GRID2: variants seen among roughly 807,000 people sequenced by gnomAD.
GRID2 encodes glutamate ionotropic receptor delta type subunit 2, also known as glutamate receptor ionotropic, delta-2.
In GRID2, 33 loss-of-function variants were observed where a neutral mutation model predicts 114.8. The ratio of observed to expected loss-of-function variants is 0.29; its 90% CI spans 0.22 to 0.38. The LOEUF (loss-of-function observed/expected upper bound fraction) is 0.38, where lower values mean the gene tolerates loss of function less well. GRID2 is among the 10% of genes least tolerant of loss of function. The pLI is 1.00. For missense variants in GRID2, 1,184 were observed against 1,257.7 expected (o/e 0.94, Z 0.89); for synonymous variants, 505 against 449.9 (o/e 1.12, Z -1.55).
At chr4:93,171,945 C>A (rs1188607402) in intron 4 of GRID2, among the ~76,000 whole-genome samples, 2 of 152,042 alleles carry the variant, frequency 1.3e-5, no homozygotes, top group Admixed American at 6.6e-5. Flanking sequence ...AGCTCTAAAG[C>A]CAACTTGTTA....
chr4:93,116,224 G>A (rs6849575), intron 4 of GRID2, among the ~76,000 whole-genome samples: 7 of 151,936 alleles, frequency 4.6e-5, no homozygotes, highest in African/African-American at 2.4e-5. Context: ...GTAAAAGTTC[G>A]TTCACTATTT....
At chr4:92,701,099 A>G (rs1228268391) in intron 2 of GRID2, among the ~76,000 whole-genome samples, 2 of 152,146 alleles carry the variant, frequency 1.3e-5, no homozygotes, top group African/African-American at 4.8e-5. Context: ...CATTTACCAG[A>G]TTTAACCTTG....
Position 93,661,330 on chromosome 4 carries a change from C to A in GRID2, c.2360+34895C>A, listed in dbSNP as rs535666781. 2.6e-5 allele frequency among the ~76,000 whole-genome samples: 4 copies of A among 152,294 alleles called. No homozygotes were observed. The South Asian group carries it at 8.3e-4, about 32-fold the overall frequency. ...CTATCATCTTGTTTTAGCTCTCATG[C>A]AGTAAACAAGTATCCTTTTTTCAGT... On this transcript the variant is annotated intron_variant, in intron 14 of 15. Coordinates refer to ENST00000282020, the MANE Select transcript of GRID2 (RefSeq NM_001510.4).
At chr4:93,499,260 C>T (rs1367962795) in intron 12 of GRID2, among the ~76,000 whole-genome samples, 2 of 151,768 alleles carry the variant, frequency 1.3e-5, no homozygotes, top group Non-Finnish European at 2.9e-5. Flanking sequence ...GTTTCTTTTC[C>T]CTTACCTTAA....
chr4:93,474,187 G>A (rs143157994), intron 11 of GRID2, among the ~76,000 whole-genome samples: 11 of 152,084 alleles, frequency 7.2e-5, no homozygotes, highest in South Asian at 2.1e-4. Context: ...ATAGAGAAAC[G>A]ACAAATGCAT....
chr4:92,931,209 A>C (rs1750205431), intron 2 of GRID2, among the ~76,000 whole-genome samples: 1 of 151,050 alleles, frequency 6.6e-6, no homozygotes, highest in Non-Finnish European at 1.5e-5. Flanking sequence ...TTTGAAAATC[A>C]ACTCACTAAT....
chr4:92,786,842 C>T (rs1038501123), intron 2 of GRID2, among the ~76,000 whole-genome samples: 1 of 151,868 alleles, frequency 6.6e-6, no homozygotes. Context: ...ATCTTTCATA[C>T]CAAATTTAAC....
intron 2 of GRID2, among the ~76,000 whole-genome samples, chr4:92,719,927 C>T (rs1735733427): frequency 6.6e-6 from 1 of 151,986 alleles, no homozygotes. Context: ...GCTTCTTCTC[C>T]TAGTAAGATA....
chr4:92,698,511 G>A (rs777514722), intron 2 of GRID2, among the ~76,000 whole-genome samples: 11 of 151,652 alleles, frequency 7.3e-5, no homozygotes, highest in Non-Finnish European at 1.5e-4. Context: ...TAATATAGCT[G>A]GAGGGTCATA....
At chr4:92,535,385 A>G in intron 1 of GRID2, among the ~76,000 whole-genome samples, 1 of 152,182 alleles carries the variant, frequency 6.6e-6, no homozygotes, top group East Asian at 1.9e-4. Context: ...TGATTAATGC[A>G]ATCCTTAAAA....
chr4:93,704,451 G>A (rs987209580), intron 14 of GRID2, among the ~76,000 whole-genome samples: 1 of 152,124 alleles, frequency 6.6e-6, no homozygotes, highest in Non-Finnish European at 1.5e-5. Context: ...TAGGTTGCCT[G>A]TTCACTCTGA....
chr4:93,361,748 A>G (rs1239838689), intron 8 of GRID2, among the ~76,000 whole-genome samples: 2 of 152,128 alleles, frequency 1.3e-5, no homozygotes, highest in African/African-American at 2.4e-5. Flanking sequence ...TGAAAGACAG[A>G]CACTATGTAA....
intron 1 of GRID2, among the ~76,000 whole-genome samples, chr4:93,799,715 C>A (rs1265454631): frequency 6.6e-6 from 1 of 152,090 alleles, no homozygotes; most frequent in Non-Finnish European, 1.5e-5. Flanking sequence ...GATGTGATAT[C>A]TCAAGTATAT....
At chr4:93,531,072 A>G (rs912182359) in intron 13 of GRID2, among the ~76,000 whole-genome samples, 26 of 152,166 alleles carry the variant, frequency 1.7e-4, no homozygotes, top group Non-Finnish European at 2.9e-4. Flanking sequence ...TGATTAGGGA[A>G]GGATGCCATG....
At chr4:92,363,869 G>A (rs1260797971) in intron 1 of GRID2, among the ~76,000 whole-genome samples, 1 of 147,564 alleles carries the variant, frequency 6.8e-6, no homozygotes, top group African/African-American at 2.5e-5. Flanking sequence ...ACCCAGGCTG[G>A]AGTGCAGTGG....
intron 10 of GRID2, among the ~76,000 whole-genome samples, chr4:93,433,533 A>G (rs561372802): frequency 6.6e-6 from 1 of 152,280 alleles, no homozygotes; most frequent in Admixed American, 6.5e-5. Flanking sequence ...AAATGATGGA[A>G]GAGAATTCCC....
At position 93,659,114 on chromosome 4, in the gene GRID2, G is replaced by C. The variant is rs112303188; in HGVS notation, c.2360+32679G>C. On this transcript the variant is annotated intron_variant, in intron 14 of 15. Transcript: ENST00000282020. ...GCAGTGGCAGCAACAGCTAAGTTAA[G>C]GAGGCATGTTTACCAGGCTTCCAAG... Among the ~76,000 whole-genome samples, 492 of 152,098 alleles carry C rather than the reference G, an allele frequency of 3.2e-3. 2 individuals carry two copies. The highest frequency in any genetic ancestry group is 0.011 in the African/African-American group (455 of 41,478).
rs555104960 is a variant in GRID2 at position 92,852,232 on chromosome 4, A to G, written c.245-232763A>G. On this transcript the variant is annotated intron_variant, in intron 2 of 15. Transcript: ENST00000282020. The stretch of plus-strand genomic sequence containing the variant: ...GGGAGGTATTTGTCTATAAAAAATC[A>G]TGTTCTATTTTACTAGGAATTCCTC... 2.0e-3 allele frequency among the ~76,000 whole-genome samples: 309 copies of G among 151,910 alleles called. 1 individual carries two copies. Among genetic ancestry groups the G allele is most frequent in the Non-Finnish European group, 3.0e-3 (207 of 67,870 alleles).
intron 2 of GRID2, among the ~76,000 whole-genome samples, chr4:92,905,937 G>GT: frequency 6.6e-6 from 1 of 152,014 alleles, no homozygotes; most frequent in East Asian, 1.9e-4. Context: ...GTCTTAATAT[G>GT]CATATTACTT....
Sources: gnomAD v4.1 joint callset for allele counts (sites outside exome capture counted in the v4.1 genomes callset) on GRCh38, gnomAD v4.1.1 for gene constraint, MANE v1.5 for transcripts, NCBI Gene and HGNC (gene_info 2026-07-23, HGNC 2026-07-21) for gene names.